Variants in PDGFD observed in about 807,000 individuals in gnomAD.
The protein encoded by PDGFD is platelet-derived growth factor D.
A neutral mutation model predicts 44.7 loss-of-function variants in PDGFD; 30 were observed. The ratio of observed to expected loss-of-function variants is 0.67; its 90% CI spans 0.50 to 0.91. PDGFD has a LOEUF of 0.91. PDGFD is among the 40% of genes least tolerant of loss of function. The pLI is 0.00. For missense variants in PDGFD, 445 were observed against 457.8 expected (o/e 0.97, Z 0.25); for synonymous variants, 173 against 168.4 (o/e 1.03, Z -0.21).
intron 3 of PDGFD, among the ~76,000 whole-genome samples, chr11:103,994,883 T>TA (rs1718357935): frequency 1.4e-5 from 1 of 73,306 alleles, no homozygotes. Flanking sequence ...TGCTATTCCT[T>TA]TTTTTTTTTT....
At chr11:103,953,852 T>A (rs935508368) in intron 3 of PDGFD, among the ~76,000 whole-genome samples, 9 of 152,200 alleles carry the variant, frequency 5.9e-5, no homozygotes, top group Non-Finnish European at 1.0e-4. Context: ...CTACAAAGCG[T>A]TCTAGCATGG....
chr11:103,930,897 T>C (rs1387958547), intron 5 of PDGFD, among the ~76,000 whole-genome samples: 1 of 152,236 alleles, frequency 6.6e-6, no homozygotes. Context: ...TTGTCTTTGG[T>C]ATTGTGATAA....
chr11:104,153,805 G>C (rs1392230777), intron 1 of PDGFD, among the ~76,000 whole-genome samples: 1 of 152,068 alleles, frequency 6.6e-6, no homozygotes, highest in African/African-American at 2.4e-5. Context: ...CAAGGTAGAA[G>C]CTAAAAATAT....
chr11:103,936,570 T>C (rs1397093841), intron 5 of PDGFD, among the ~76,000 whole-genome samples: 1 of 152,220 alleles, frequency 6.6e-6, no homozygotes, highest in Non-Finnish European at 1.5e-5. Context: ...CAGTTTCTTA[T>C]GCTAGTTATT....
At chr11:104,091,727 T>C (rs1861215100) in intron 1 of PDGFD, among the ~76,000 whole-genome samples, 1 of 152,208 alleles carries the variant, frequency 6.6e-6, no homozygotes, top group African/African-American at 2.4e-5. Context: ...TAAATAATTA[T>C]AATAGCCATT....
At chr11:103,939,968 T>G (rs540261645) in intron 5 of PDGFD, among the ~76,000 whole-genome samples, 12 of 152,256 alleles carry the variant, frequency 7.9e-5, no homozygotes, top group Admixed American at 7.2e-4. Flanking sequence ...TACAGACAAG[T>G]TTGAGCTTAT....
chr11:103,946,981 C>T (rs1858676832), intron 4 of PDGFD, among the ~76,000 whole-genome samples: 1 of 152,180 alleles, frequency 6.6e-6, no homozygotes, highest in Non-Finnish European at 1.5e-5. Context: ...TCTCTATGTT[C>T]TTGACCTTTT....
chr11:104,162,839 T>A (rs1042199572), intron 1 of PDGFD, among the ~76,000 whole-genome samples: 2 of 152,098 alleles, frequency 1.3e-5, no homozygotes, highest in Non-Finnish European at 2.9e-5. Context: ...GTTAGTACTT[T>A]AAGCAAGCAG....
intron 1 of PDGFD, among the ~76,000 whole-genome samples, chr11:104,040,323 A>G (rs1349630854): frequency 6.6e-6 from 1 of 152,116 alleles, no homozygotes; most frequent in Admixed American, 6.5e-5. Flanking sequence ...AATTAAAATC[A>G]TCTATACTGA....
intron 1 of PDGFD, among the ~76,000 whole-genome samples, chr11:104,014,552 C>T (rs1000166036): frequency 6.6e-6 from 1 of 152,134 alleles, no homozygotes; most frequent in Non-Finnish European, 1.5e-5. Context: ...GTGGGACCTC[C>T]TACGGTAATC....
intron 1 of PDGFD, chr11:104,036,676 T>G: frequency 1.5e-6 from 1 of 663,838 alleles, no homozygotes; most frequent in South Asian, 1.8e-5. Context: ...CAGATGAGTG[T>G]CCGCGCCTCT....
intron 3 of PDGFD, among the ~76,000 whole-genome samples, chr11:103,965,356 G>C (rs1451645908): frequency 6.6e-6 from 1 of 152,084 alleles, no homozygotes; most frequent in Non-Finnish European, 1.5e-5. Flanking sequence ...GACGTTAGAG[G>C]TCATCTCGTT....
chr11:103,927,740 T>C (rs1858341363), intron 5 of PDGFD, among the ~76,000 whole-genome samples: 1 of 152,222 alleles, frequency 6.6e-6, no homozygotes, highest in African/African-American at 2.4e-5. Flanking sequence ...CAGTATAGCA[T>C]AGTGGTTAAG....
intron 3 of PDGFD, among the ~76,000 whole-genome samples, chr11:103,979,768 G>T (rs1279974259): frequency 6.6e-6 from 1 of 152,074 alleles, no homozygotes; most frequent in Non-Finnish European, 1.5e-5. Flanking sequence ...TTGCCATTCT[G>T]CCTATAGCTG....
At position 103,909,699 on chromosome 11, in the gene PDGFD, G is replaced by A. The variant is rs550016351; in HGVS notation, c.1108C>T (p.Arg370Ter). Residue 370 changes from arginine to a stop codon, truncating the protein, a stop_gained, in exon 7 of 7, where the codon CGA becomes TGA. Coordinates refer to ENST00000393158, the MANE Select transcript of PDGFD (RefSeq NM_025208.5). LOFTEE classifies it high-confidence loss of function. ...GTAAGGATGTGCACATTCTCTTATCGAGGTGGTCTTGAGCTGCAGATACAA... is the reference window on the plus strand; with the variant it reads ...GTAAGGATGTGCACATTCTCTTATCAAGGTGGTCTTGAGCTGCAGATACAA... ...CDCICSSRPP[R>*] 142 of 1,613,948 alleles carry A rather than the reference G, an allele frequency of 8.8e-5. No homozygotes were observed. In the Admixed American group the frequency reaches 1.8e-3, roughly 20 times the overall value.
chr11:103,969,473 G>A (rs1195297795), intron 3 of PDGFD, among the ~76,000 whole-genome samples: 3 of 82,748 alleles, frequency 3.6e-5, no homozygotes, highest in South Asian at 4.8e-4. Flanking sequence ...CACCAAGCCT[G>A]GTTTTTTTTT....
intron 2 of PDGFD, among the ~76,000 whole-genome samples, chr11:103,997,951 A>G (rs1022171409): frequency 2.6e-5 from 4 of 151,966 alleles, no homozygotes; most frequent in African/African-American, 9.7e-5. Context: ...AATTTTGAGG[A>G]GCAACTAGAT....
At chr11:104,118,239 C>A in intron 1 of PDGFD, among the ~76,000 whole-genome samples, 1 of 151,694 alleles carries the variant, frequency 6.6e-6, no homozygotes, top group Non-Finnish European at 1.5e-5. Flanking sequence ...GTAATTAGAT[C>A]ATGAGAGTGG....
intron 1 of PDGFD, among the ~76,000 whole-genome samples, chr11:104,054,061 A>G (rs1346038623): frequency 6.6e-6 from 1 of 152,230 alleles, no homozygotes; most frequent in African/African-American, 2.4e-5. Flanking sequence ...CCATTCCAGC[A>G]CAACACCATG....
Sources: gnomAD v4.1 joint callset for allele counts (sites outside exome capture counted in the v4.1 genomes callset) on GRCh38, gnomAD v4.1.1 for gene constraint, MANE v1.5 for transcripts, NCBI Gene and HGNC (gene_info 2026-07-23, HGNC 2026-07-21) for gene names.